KCNK18: variants seen among roughly 807,000 people sequenced by gnomAD.
KCNK18 encodes the protein potassium two pore domain channel subfamily K member 18, also known as potassium channel subfamily K member 18.
A neutral mutation model predicts 11.8 loss-of-function variants in KCNK18; 8 were observed. That is an observed-to-expected ratio of 0.68 (90% confidence interval 0.40 to 1.22). KCNK18 has a LOEUF of 1.22. Among genes scored for constraint, KCNK18 ranks in the 50% most tolerant of loss-of-function variants. The pLI, the probability that KCNK18 is intolerant of heterozygous loss-of-function variation, is 0.01. For missense variants in KCNK18, 442 were observed against 465.4 expected (o/e 0.95, Z 0.46); for synonymous variants, 208 against 185.8 (o/e 1.12, Z -0.97).
intron 2 of KCNK18, among the ~76,000 whole-genome samples, chr10:117,206,523 T>G (rs1301209658): frequency 6.6e-6 from 1 of 152,190 alleles, no homozygotes; most frequent in African/African-American, 2.4e-5. Context: ...GAGTTAGGAC[T>G]TGGCTATATT....
chr10:117,207,751 G>A (rs1163516079), intron 2 of KCNK18, among the ~76,000 whole-genome samples: 3 of 152,222 alleles, frequency 2.0e-5, no homozygotes, highest in Non-Finnish European at 4.4e-5. Context: ...TTGGAGGGCA[G>A]AGCCTGAGGC....
Position 117,210,125 on chromosome 10 carries a change from G to C in KCNK18, c.981G>C (p.Gly327=). 1 of 1,614,116 alleles carries C rather than the reference G, an allele frequency of 6.2e-7. No individual in the cohort carries two copies. Among genetic ancestry groups the C allele is most frequent in the South Asian group, 1.1e-5 (1 of 91,080 alleles). The change falls in exon 3 of 3, where the codon GGG becomes GGC. Residue 327 remains glycine (G), a synonymous_variant. Coordinates refer to ENST00000334549, the MANE Select transcript of KCNK18 (RefSeq NM_181840.1). ...TCACACTCACCACCATTGGGTTTGG[G>C]GATACTGTTTTAGAACACCCTAACT... is the stretch of plus-strand genomic sequence containing the variant. ...CFVTLTTIGF[G]DTVLEHPNFF...
chr10:117,200,620 A>G (rs111761399), intron 1 of KCNK18, among the ~76,000 whole-genome samples: 10,161 of 152,152 alleles, frequency 0.067, 555 homozygotes, highest in Admixed American at 0.16. Flanking sequence ...ATCCTGGCCA[A>G]TGAGGTGAAA....
In KCNK18 at chr10:117,209,712, C is replaced by T. The variant is rs372982639; in HGVS notation, c.568C>T (p.Pro190Ser). ...WCPKSLFKKKPDPKPADEAVP... is the reference protein window; with the variant it reads ...WCPKSLFKKKSDPKPADEAVP... ...CCCCAAATCTCTCTTCAAGAAAAAA[C>T]CGGACCCCAAGCCCGCAGATGAAGC... The change falls in exon 3 of 3, where the codon CCG becomes TCG. Residue 190 changes from proline (P) to serine (S), a missense_variant. Physicochemically the swap from Pro to Ser is moderately conservative, Grantham distance 74. Transcript: ENST00000334549. 2 of 1,611,668 alleles carry T rather than the reference C, an allele frequency of 1.2e-6. No homozygotes were observed. Among genetic ancestry groups the T allele is most frequent in the South Asian group, 1.1e-5 (1 of 91,036 alleles).
At position 117,197,641 on chromosome 10, in the gene KCNK18, G is replaced by A. The variant is rs1217393620; in HGVS notation, c.153G>A (p.Val51=). 2 of 1,614,072 alleles carry A rather than the reference G, an allele frequency of 1.2e-6. No individual in the cohort carries two copies. Among genetic ancestry groups the A allele is most frequent in the African/African-American group, 1.3e-5 (1 of 74,934 alleles). ...FSAIEDGQVL[V]AADDGEFEKF... ...CCATTGAGGACGGCCAGGTCCTGGT[G>A]GCAGCAGATGATGGAGAGTTTGAGA... Residue 51 remains valine (V), a synonymous_variant, in exon 1 of 3, where the codon GTG becomes GTA. Transcript: ENST00000334549.
Position 117,209,489 on chromosome 10 carries a change from T to C in KCNK18, c.353-8T>C, listed in dbSNP as rs1855116047. On this transcript the variant is annotated splice_polypyrimidine_tract_variant and splice_region_variant and intron_variant, in intron 2 of 2. Transcript: ENST00000334549. ...GATGCAAACTCTAAGCTCCATCTTC[T>C]TTTTCAGGCTATGGCTACATCTACC... is the stretch of plus-strand genomic sequence containing the variant. 4 of 1,613,432 alleles carry C rather than the reference T, an allele frequency of 2.5e-6. No individual in the cohort carries two copies. The highest frequency in any genetic ancestry group is 3.4e-6 in the Non-Finnish European group (4 of 1,179,398).
Position 117,203,336 on chromosome 10 carries a change from A to C in KCNK18, c.352+2049A>C, listed in dbSNP as rs1462955436. On this transcript the variant is annotated intron_variant, in intron 2 of 2. Transcript: ENST00000334549. Reference sequence around the variant, plus strand: ...ACAACCCTGCAAGGTAAGTGCTGTGACTATCCCATTCCACAGGCTCTAAGA... The same window carrying C: ...ACAACCCTGCAAGGTAAGTGCTGTGCCTATCCCATTCCACAGGCTCTAAGA... Among the ~76,000 whole-genome samples the C allele has an allele frequency of 2.0e-5, 3 of 152,094 alleles. No homozygotes were observed. In the East Asian group the frequency reaches 5.8e-4, roughly 29 times the overall value.
chr10:117,197,536 C>T lies in KCNK18; in HGVS notation c.48C>T (p.Ala16=), dbSNP rs760737614. Reference sequence around the variant, plus strand: ...AGGCCAGGAGATGCTGCCCAGAGGCCCTGGGAAAGCTCTTCCCTGGCCTCT... The same window carrying T: ...AGGCCAGGAGATGCTGCCCAGAGGCTCTGGGAAAGCTCTTCCCTGGCCTCT... The part of the protein sequence containing the change: ...HPQARRCCPE[A]LGKLFPGLCF... The change falls in exon 1 of 3, where the codon GCC becomes GCT. Residue 16 remains alanine (A), a synonymous_variant. Transcript: ENST00000334549. The T allele has an allele frequency of 2.0e-5, 33 of 1,613,988 alleles. No individual in the cohort carries two copies. The Middle Eastern group carries it at 5.0e-4, about 24-fold the overall frequency.
chr10:117,209,780 C>CAA lies in KCNK18; in HGVS notation c.638_639dup (p.Leu214AsnfsTer22), dbSNP rs770889439. 5 of 1,614,184 alleles carry CAA rather than the reference C, an allele frequency of 3.1e-6. No homozygotes were observed. Among genetic ancestry groups the CAA allele is most frequent in the Non-Finnish European group, 4.2e-6 (5 of 1,180,040 alleles). ...TCAGTGCTGAAGAGCTTCCAGGCCC[C>CAA]AAACTTGGCACATGTCCTTCACGCC... is the stretch of plus-strand genomic sequence containing the variant. On this transcript the variant is annotated frameshift_variant, in exon 3 of 3. Coordinates refer to ENST00000334549, the MANE Select transcript of KCNK18 (RefSeq NM_181840.1). LOFTEE classifies it low-confidence loss of function (END_TRUNC).
intron 1 of KCNK18, among the ~76,000 whole-genome samples, chr10:117,198,337 T>C (rs1231185798): frequency 1.3e-5 from 2 of 152,108 alleles, no homozygotes; most frequent in Non-Finnish European, 2.9e-5. Flanking sequence ...CCCAGCTTGC[T>C]CTGCAATCCG....
intron 2 of KCNK18, among the ~76,000 whole-genome samples, chr10:117,203,305 C>T (rs1200098508): frequency 1.3e-5 from 2 of 152,124 alleles, no homozygotes; most frequent in African/African-American, 2.4e-5. Context: ...TTGTGCAATT[C>T]TCACCACAAC....
rs376041344 is a variant in KCNK18 at position 117,210,006 on chromosome 10, C to G, written c.862C>G (p.Leu288Val). The G allele has an allele frequency of 1.7e-5, 28 of 1,614,074 alleles. No individual in the cohort carries two copies. Among genetic ancestry groups the G allele is most frequent in the Non-Finnish European group, 2.4e-5 (28 of 1,180,040 alleles). ...RLDIPLPIIA[L>V]IVFAYISCAA... ...GGACATCCCCCTCCCCATCATTGCC[C>G]TTATTGTTTTTGCCTACATTTCCTG... is the stretch of plus-strand genomic sequence containing the variant. Residue 288 changes from leucine to valine, a missense_variant, in exon 3 of 3, where the codon CTT becomes GTT. By Grantham distance (32) the Leu-to-Val change is conservative. Transcript: ENST00000334549.
chr10:117,205,980 G>A (rs535471827), intron 2 of KCNK18, among the ~76,000 whole-genome samples: 1 of 152,042 alleles, frequency 6.6e-6, no homozygotes, highest in Non-Finnish European at 1.5e-5. Context: ...AACCCAGGAG[G>A]TGGAGGTTGC....
rs1199139913 is a variant in KCNK18, at chr10:117,201,142, G to T, written c.224-17G>T. 2 of 1,614,092 alleles carry T rather than the reference G, an allele frequency of 1.2e-6. No individual in the cohort carries two copies. Among genetic ancestry groups the T allele is most frequent in the Non-Finnish European group, 1.7e-6 (2 of 1,180,030 alleles). ...GCAGAACCTTTTCCTCAAACTCTTG[G>T]TCATGTCTTTCTCCAGTGGTGGAAG... On this transcript the variant is annotated splice_polypyrimidine_tract_variant and intron_variant, in intron 1 of 2. Coordinates refer to ENST00000334549, the MANE Select transcript of KCNK18 (RefSeq NM_181840.1).
In KCNK18 at chr10:117,209,952, G is replaced by C; in HGVS notation, c.808G>C (p.Asp270His). 6.2e-7 allele frequency: 1 copy of C among 1,614,208 alleles called. No individual in the cohort carries two copies. The highest frequency in any genetic ancestry group is 8.5e-7 in the Non-Finnish European group (1 of 1,180,042). The change falls in exon 3 of 3, where the codon GAT becomes CAT. Residue 270 changes from aspartate to histidine, a missense_variant. Coordinates refer to ENST00000334549, the MANE Select transcript of KCNK18 (RefSeq NM_181840.1). ...RLSYSIISNL[D>H]EVGQQVERLD... ...CTCATACTCCATCATCAGCAACCTG[G>C]ATGAAGTTGGACAGCAGGTGGAGAG...
intron 1 of KCNK18, among the ~76,000 whole-genome samples, chr10:117,198,285 G>C (rs896292782): frequency 2.0e-5 from 3 of 152,062 alleles, no homozygotes; most frequent in Non-Finnish European, 2.9e-5. Context: ...GAGAAGACCT[G>C]GGGGGAGGGG....
intron 1 of KCNK18, among the ~76,000 whole-genome samples, chr10:117,200,316 G>A (rs1293524573): frequency 6.6e-6 from 1 of 152,138 alleles, no homozygotes; most frequent in African/African-American, 2.4e-5. Context: ...GACCTCAAAT[G>A]ATCCGCCCAC....
At chr10:117,204,286 A>AAG (rs1855050887) in intron 2 of KCNK18, among the ~76,000 whole-genome samples, 1 of 150,132 alleles carries the variant, frequency 6.7e-6, no homozygotes. Context: ...AAAAAAAAAA[A>AAG]GAAAAAAGAA....
chr10:117,209,488 C>A lies in KCNK18; in HGVS notation c.353-9C>A, dbSNP rs371127861. On this transcript the variant is annotated splice_polypyrimidine_tract_variant and intron_variant, in intron 2 of 2. Coordinates refer to ENST00000334549, the MANE Select transcript of KCNK18 (RefSeq NM_181840.1). ...AGATGCAAACTCTAAGCTCCATCTT[C>A]TTTTTCAGGCTATGGCTACATCTAC... is the stretch of plus-strand genomic sequence containing the variant. 8.1e-6 allele frequency: 13 copies of A among 1,613,476 alleles called. No individual in the cohort carries two copies. Among genetic ancestry groups the A allele is most frequent in the Non-Finnish European group, 1.1e-5 (13 of 1,179,442 alleles).
Sources: allele counts gnomAD v4.1 joint callset (sites outside exome capture counted in the v4.1 genomes callset), GRCh38; gene constraint gnomAD v4.1.1; transcripts MANE v1.5; gene names NCBI Gene and HGNC (gene_info 2026-07-23, HGNC 2026-07-21).